HPCAL1: variants seen among roughly 807,000 people sequenced by gnomAD.
The protein encoded by HPCAL1 is hippocalcin like 1.
In HPCAL1, 8 loss-of-function variants were observed where a neutral mutation model predicts 17.1. That is an observed-to-expected ratio of 0.47 (90% confidence interval 0.27 to 0.84). The LOEUF (loss-of-function observed/expected upper bound fraction) is 0.84, where lower values mean the gene tolerates loss of function less well. Among genes scored for constraint, HPCAL1 ranks in the 40% least tolerant of loss-of-function variants. HPCAL1 has a pLI of 0.13. For missense variants in HPCAL1, 165 were observed against 271.1 expected, an observed-to-expected ratio of 0.61 and a Z score of 2.75; for synonymous variants, 112 against 111.4, an observed-to-expected ratio of 1.01 and a Z score of -0.03.
At chr2:10,347,105 G>GC (rs1344261472) in intron 1 of HPCAL1, among the ~76,000 whole-genome samples, 2 of 151,970 alleles carry the variant, frequency 1.3e-5, no homozygotes, top group Admixed American at 1.3e-4. Flanking sequence ...GCCCCGCACC[G>GC]CCCCCGCCCC....
rs1662484169 is a variant in HPCAL1 at position 10,304,441 on chromosome 2, C to T, written c.-111+1264C>T. ...CAATTCCACCAGAGGAGGATGTTTGCCAGGGACGCCGAGTCCAGCTGCTGG... is the reference window on the plus strand; with the variant it reads ...CAATTCCACCAGAGGAGGATGTTTGTCAGGGACGCCGAGTCCAGCTGCTGG... On this transcript the variant is annotated intron_variant, in intron 1 of 4. Coordinates refer to ENST00000307845, the MANE Select transcript of HPCAL1 (RefSeq NM_002149.4). This position sits in a 1 kb window ranked among gnomAD's most constrained non-coding sequence, Gnocchi z 4.1. 2.5e-4 allele frequency among the ~76,000 whole-genome samples: 1 copy of T among 3,976 alleles called. No homozygotes were observed. Among genetic ancestry groups the T allele is most frequent in the Non-Finnish European group, 3.5e-4 (1 of 2,850 alleles). 2.6% of individuals were successfully genotyped at this position (3,976 alleles called of 152,430 possible). A position where few individuals can be genotyped will look rare whatever the true frequency, so the allele number is the denominator to read the frequency against.
intron 2 of HPCAL1, among the ~76,000 whole-genome samples, chr2:10,403,074 G>A (rs1669728883): frequency 6.6e-6 from 1 of 152,052 alleles, no homozygotes; most frequent in African/African-American, 2.4e-5. Flanking sequence ...CATTTCTCAA[G>A]CAGGGACCTG....
rs573039820 is a variant in HPCAL1, at chr2:10,323,094, A to G, written c.-111+19917A>G. 7.9e-5 allele frequency among the ~76,000 whole-genome samples: 12 copies of G among 152,292 alleles called. No homozygotes were observed. Among genetic ancestry groups the G allele is most frequent in the Admixed American group, 7.8e-4 (12 of 15,300 alleles). On this transcript the variant is annotated intron_variant, in intron 1 of 4. Transcript: ENST00000307845. This position sits in a 1 kb window ranked among gnomAD's most constrained non-coding sequence, Gnocchi z 4.6. ...TCCCAGGCTGACCCTGAGGTCCACCATGACTGTGCTGCAGCCACCACCACT... is the reference window on the plus strand; with the variant it reads ...TCCCAGGCTGACCCTGAGGTCCACCGTGACTGTGCTGCAGCCACCACCACT...
At chr2:10,390,029 G>A (rs1304963470) in intron 1 of HPCAL1, among the ~76,000 whole-genome samples, 4 of 152,210 alleles carry the variant, frequency 2.6e-5, no homozygotes, top group Non-Finnish European at 5.9e-5. Context: ...CCCTGGTAGT[G>A]GGAGTGGCAG....
chr2:10,388,217 C>T (rs1479727496), intron 1 of HPCAL1, among the ~76,000 whole-genome samples: 1 of 152,188 alleles, frequency 6.6e-6, no homozygotes, highest in Admixed American at 6.5e-5. Flanking sequence ...CCTGCCTCCC[C>T]GGGGCCGTCG....
intron 2 of HPCAL1, among the ~76,000 whole-genome samples, chr2:10,414,322 C>G (rs1251141412): frequency 6.6e-6 from 1 of 152,236 alleles, no homozygotes; most frequent in Non-Finnish European, 1.5e-5. Context: ...GGCACTTAAA[C>G]TACAGAACTC....
intron 2 of HPCAL1, among the ~76,000 whole-genome samples, chr2:10,401,586 T>A (rs9917245): frequency 6.6e-6 from 1 of 151,798 alleles, no homozygotes; most frequent in Non-Finnish European, 1.5e-5. Context: ...AAGTTGTCTG[T>A]AAGGAGCGCC....
intron 2 of HPCAL1, among the ~76,000 whole-genome samples, chr2:10,415,675 C>T (rs978823936): frequency 2.6e-5 from 4 of 152,198 alleles, no homozygotes; most frequent in Middle Eastern, 3.2e-3. Context: ...CCCAGGCCTC[C>T]TCTTGATCAT....
At chr2:10,317,928 C>T (rs1663423790) in intron 1 of HPCAL1, among the ~76,000 whole-genome samples, 1 of 152,218 alleles carries the variant, frequency 6.6e-6, no homozygotes, top group South Asian at 2.1e-4. Context: ...TGGAACCTCT[C>T]TTGTTGTCCC....
intron 2 of HPCAL1, among the ~76,000 whole-genome samples, chr2:10,400,786 C>G (rs899020902): frequency 5.3e-5 from 8 of 152,200 alleles, no homozygotes; most frequent in African/African-American, 1.9e-4. Context: ...CACACGCACA[C>G]ACATACACAC....
chr2:10,358,675 A>G (rs1666336995), intron 1 of HPCAL1, among the ~76,000 whole-genome samples: 1 of 152,178 alleles, frequency 6.6e-6, no homozygotes. Context: ...GCACGCTGGC[A>G]GGCCACTGAC....
At chr2:10,371,089 G>A (rs1402631106) in intron 1 of HPCAL1, among the ~76,000 whole-genome samples, 2 of 152,186 alleles carry the variant, frequency 1.3e-5, no homozygotes, top group Admixed American at 6.5e-5. Flanking sequence ...AGGCCAGTGG[G>A]CAGGTGGGTG....
chr2:10,417,327 C>A (rs1412527574), intron 2 of HPCAL1, among the ~76,000 whole-genome samples: 2 of 151,378 alleles, frequency 1.3e-5, no homozygotes, highest in Non-Finnish European at 2.9e-5. Context: ...CGCTCCATTG[C>A]ACTCCAACCT....
chr2:10,423,081 C>CAATGACGGTA lies in HPCAL1; in HGVS notation c.478_484+3dup. On this transcript the variant is annotated frameshift_variant, in exon 4 of 5. Transcript: ENST00000307845. LOFTEE classifies it high-confidence loss of function. ...AGATCTTCAGGCAGATGGACACCAACAATGACGGTAGTGCGGGGTGGGGGC... is the reference window on the plus strand; with the variant it reads ...AGATCTTCAGGCAGATGGACACCAACAATGACGGTAAATGACGGTAGTGCGGGGTGGGGGC... The CAATGACGGTA allele has an allele frequency of 6.2e-7, 1 of 1,609,754 alleles. No homozygotes were observed. The highest frequency in any genetic ancestry group is 8.5e-7 in the Non-Finnish European group (1 of 1,176,540).
In HPCAL1 at chr2:10,365,143, C is replaced by T. The variant is rs2125497134; in HGVS notation, c.-110-31692C>T. Among the ~76,000 whole-genome samples, 1 of 152,272 alleles carries T rather than the reference C, an allele frequency of 6.6e-6. No individual in the cohort carries two copies. The highest frequency in any genetic ancestry group is 2.1e-4 in the South Asian group (1 of 4,820). ...TAAATGAGAGTGTCCACACCACCCG[C>T]CCTGAGTTCTGAACTTAGCCACCTC... is the stretch of plus-strand genomic sequence containing the variant. On this transcript the variant is annotated intron_variant, in intron 1 of 4. Transcript: ENST00000307845. The surrounding 1 kb of genome is among the most constrained non-coding windows in gnomAD (Gnocchi z 4.8).
chr2:10,399,265 C>T (rs1558517655), intron 2 of HPCAL1, among the ~76,000 whole-genome samples: 30 of 84,356 alleles, frequency 3.6e-4, no homozygotes, highest in African/African-American at 1.1e-3. Context: ...ACCACCATCA[C>T]CACCACCACC....
intron 1 of HPCAL1, among the ~76,000 whole-genome samples, chr2:10,396,588 A>G (rs1311365103): frequency 6.6e-6 from 1 of 152,228 alleles, no homozygotes. Context: ...GGTGGCCAGC[A>G]TCTTACCTTG....
intron 1 of HPCAL1, among the ~76,000 whole-genome samples, chr2:10,355,753 G>A (rs1158493615): frequency 1.3e-5 from 2 of 152,044 alleles, no homozygotes; most frequent in African/African-American, 4.8e-5. Context: ...TGAAGATTAG[G>A]CTCCACAGAG....
At chr2:10,312,302 C>A (rs1207370333) in intron 1 of HPCAL1, among the ~76,000 whole-genome samples, 4 of 137,018 alleles carry the variant, frequency 2.9e-5, no homozygotes, top group Non-Finnish European at 6.2e-5. Flanking sequence ...CTTTCTCCAT[C>A]ACCATCATCA....
Sources: allele counts gnomAD v4.1 joint callset (sites outside exome capture counted in the v4.1 genomes callset), GRCh38; gene constraint gnomAD v4.1.1; non-coding constraint Gnocchi (gnomAD v3.1); transcripts MANE v1.5; gene names NCBI Gene and HGNC (gene_info 2026-07-23, HGNC 2026-07-21).